The following ZNF385D variants were observed in gnomAD, a reference collection of about 807,000 sequenced individuals.
The protein encoded by ZNF385D is zinc finger protein 385D.
In ZNF385D, 15 loss-of-function variants were observed where a neutral mutation model predicts 35.8. The observed-to-expected ratio is 0.42, with a 90% CI of 0.28 to 0.64. The LOEUF (loss-of-function observed/expected upper bound fraction) is 0.64. Among genes scored for constraint, ZNF385D ranks in the 30% least tolerant of loss-of-function variants. The pLI is 0.23. For missense variants in ZNF385D, 474 were observed against 494.6 expected (o/e 0.96, Z 0.39); for synonymous variants, 212 against 186.8 (o/e 1.13, Z -1.10).
At chr3:22,070,599 C>A (rs1008618497) in intron 3 of ZNF385D, among the ~76,000 whole-genome samples, 2 of 151,976 alleles carry the variant, frequency 1.3e-5, no homozygotes, top group African/African-American at 2.4e-5. Flanking sequence ...TTCAAATGGA[C>A]AAACATCTGT....
At chr3:22,369,026 T>G (rs956287207) in intron 2 of ZNF385D, among the ~76,000 whole-genome samples, 2 of 152,210 alleles carry the variant, frequency 1.3e-5, no homozygotes, top group African/African-American at 2.4e-5. Context: ...ATTTAAGCAC[T>G]TGCTTGATTT....
At chr3:21,517,297 G>A (rs1451499449) in intron 3 of ZNF385D, among the ~76,000 whole-genome samples, 3 of 151,978 alleles carry the variant, frequency 2.0e-5, no homozygotes, top group Non-Finnish European at 4.4e-5. Flanking sequence ...CCAAACGACT[G>A]CCGAGATAAT....
intron 3 of ZNF385D, among the ~76,000 whole-genome samples, chr3:21,999,638 G>A (rs1385804304): frequency 2.0e-5 from 3 of 152,016 alleles, no homozygotes; most frequent in African/African-American, 7.2e-5. Context: ...GACACTCAGT[G>A]TTCTTACACA....
chr3:21,763,965 C>A (rs917641483), intron 3 of ZNF385D, among the ~76,000 whole-genome samples: 1 of 152,048 alleles, frequency 6.6e-6, no homozygotes, highest in African/African-American at 2.4e-5. Context: ...TTTTTGGCCT[C>A]CTGGAGCTTA....
At chr3:21,475,587 G>A (rs748504709) in intron 4 of ZNF385D, among the ~76,000 whole-genome samples, 8 of 152,072 alleles carry the variant, frequency 5.3e-5, no homozygotes, top group Middle Eastern at 3.4e-3. Flanking sequence ...AAGATCCTCC[G>A]GATTCCAATT....
At position 22,269,016 on chromosome 3, in the gene ZNF385D, A is replaced by G. The variant is rs149836246; in HGVS notation, c.107-99981T>C. ...TCATAAAAGTTCATTTTCATACACAATGGTCTATCAGGAGGAGAAAAGTAA... is the reference window on the plus strand; with the variant it reads ...TCATAAAAGTTCATTTTCATACACAGTGGTCTATCAGGAGGAGAAAAGTAA... On this transcript the variant is annotated intron_variant, in intron 2 of 5. Transcript: ENST00000494108. Among the ~76,000 whole-genome samples, 20 of 152,042 alleles carry G rather than the reference A, an allele frequency of 1.3e-4. No homozygotes were observed. The East Asian group carries it at 1.4e-3, about 10-fold the overall frequency.
intron 5 of ZNF385D, among the ~76,000 whole-genome samples, chr3:21,427,677 T>C (rs2125206232): frequency 6.6e-6 from 1 of 152,234 alleles, no homozygotes; most frequent in African/African-American, 2.4e-5. Flanking sequence ...CAGAATATCT[T>C]TGGCAAGCTA....
chr3:21,843,251 C>G (rs1379367221), intron 3 of ZNF385D, among the ~76,000 whole-genome samples: 2 of 151,882 alleles, frequency 1.3e-5, no homozygotes, highest in African/African-American at 4.8e-5. Context: ...TAAGAACCAG[C>G]AGGTAGAAGC....
intron 2 of ZNF385D, among the ~76,000 whole-genome samples, chr3:22,193,587 A>T (rs1041911564): frequency 1.3e-5 from 2 of 152,030 alleles, no homozygotes; most frequent in African/African-American, 4.8e-5. Flanking sequence ...ATTGAAGATT[A>T]TGTGCAGTTT....
In ZNF385D at chr3:21,631,320, GCAAT is replaced by G. The variant is rs372614392; in HGVS notation, c.165+33562_165+33565del. ...CATGTCAACCCTAAACTACCTTATAGCAATCAATATTTCCAGAACACATGTCTGA... is the reference window on the plus strand; with the variant it reads ...CATGTCAACCCTAAACTACCTTATAGCAATATTTCCAGAACACATGTCTGA... On this transcript the variant is annotated intron_variant, in intron 2 of 7. Coordinates refer to ENST00000281523, the MANE Select transcript of ZNF385D (RefSeq NM_024697.3). Among the ~76,000 whole-genome samples the G allele has an allele frequency of 2.6e-5, 4 of 151,904 alleles. No homozygotes were observed. In the East Asian group the frequency reaches 7.8e-4, roughly 29 times the overall value.
intron 3 of ZNF385D, among the ~76,000 whole-genome samples, chr3:21,917,775 G>T (rs771071819): frequency 1.3e-5 from 2 of 152,136 alleles, no homozygotes; most frequent in Non-Finnish European, 2.9e-5. Context: ...TGTACCCTCA[G>T]TGGCTAAGTG....
At chr3:21,863,431 A>G (rs1234123367) in intron 3 of ZNF385D, among the ~76,000 whole-genome samples, 2 of 152,158 alleles carry the variant, frequency 1.3e-5, no homozygotes, top group African/African-American at 2.4e-5. Flanking sequence ...AACAAATGTC[A>G]AAATGCTCAT....
intron 1 of ZNF385D, among the ~76,000 whole-genome samples, chr3:21,699,953 T>C (rs2067617535): frequency 6.7e-6 from 1 of 149,716 alleles, no homozygotes; most frequent in South Asian, 2.2e-4. Flanking sequence ...TGTCTCGGCC[T>C]CCCAAGTAGC....
intron 3 of ZNF385D, among the ~76,000 whole-genome samples, chr3:22,041,884 G>C (rs964808326): frequency 3.9e-5 from 6 of 152,052 alleles, no homozygotes; most frequent in Non-Finnish European, 8.8e-5. Flanking sequence ...TATAATATCT[G>C]TGTTCTAATA....
chr3:21,869,960 T>G lies in ZNF385D; in HGVS notation c.326-204932A>C, dbSNP rs2125844809. Among the ~76,000 whole-genome samples the G allele has an allele frequency of 1.3e-5, 2 of 152,250 alleles. 1 individual carries two copies. The highest frequency in any genetic ancestry group is 6.8e-3 in the Middle Eastern group (2 of 294). ...AATTGATTAAAGAAGGTTTTTTAAG[T>G]AGATAAAACTCATAAAAAGATATAT... On this transcript the variant is annotated intron_variant, in intron 3 of 5. Coordinates refer to the ZNF385D transcript ENST00000494108.
At chr3:21,795,234 T>G (rs938318705) in intron 3 of ZNF385D, among the ~76,000 whole-genome samples, 10 of 152,236 alleles carry the variant, frequency 6.6e-5, no homozygotes, top group Non-Finnish European at 1.3e-4. Context: ...GTCTTTTTCA[T>G]GTAATTATGT....
intron 2 of ZNF385D, 70 bp downstream of exon 2, chr3:21,664,816 C>G (rs559060685): frequency 6.2e-7 from 1 of 1,603,394 alleles, no homozygotes; most frequent in East Asian, 2.2e-5. Context: ...GTGGCCGAAC[C>G]AACCCTGGCC....
At chr3:22,041,702 C>A (rs192614450) in intron 3 of ZNF385D, among the ~76,000 whole-genome samples, 2 of 152,136 alleles carry the variant, frequency 1.3e-5, no homozygotes, top group African/African-American at 4.8e-5. Context: ...TAACTGATTA[C>A]ACCTGAAATA....
intron 1 of ZNF385D, among the ~76,000 whole-genome samples, chr3:21,677,964 A>G (rs931184955): frequency 6.6e-6 from 1 of 152,014 alleles, no homozygotes; most frequent in Non-Finnish European, 1.5e-5. Flanking sequence ...ATAAGAATCC[A>G]TTATACCACT....
Sources: allele counts gnomAD v4.1 joint callset (sites outside exome capture counted in the v4.1 genomes callset), GRCh38; gene constraint gnomAD v4.1.1; transcripts MANE v1.5; gene names NCBI Gene and HGNC (gene_info 2026-07-23, HGNC 2026-07-21).